The following ARB2A variants were observed in gnomAD, a reference collection of about 807,000 sequenced individuals.
The protein encoded by ARB2A is cotranscriptional regulator ARB2A.
At chr5:93,737,800 T>C in the ARB2A span, 2 of 356,342 alleles carry the variant, frequency 5.6e-6, no homozygotes, top group Non-Finnish European at 1.1e-5. Flanking sequence ...AAGAATGAAG[T>C]TGGGCACTTA....
chr5:93,840,499 C>A, the ARB2A span, among the ~76,000 whole-genome samples: 1 of 152,052 alleles, frequency 6.6e-6, no homozygotes, highest in African/African-American at 2.4e-5. Flanking sequence ...ACTCCACCCA[C>A]CTGTTTTTCT....
chr5:93,862,866 T>C, the ARB2A span: 54 of 152,328 alleles, frequency 3.5e-4, no homozygotes, highest in African/African-American at 1.2e-3. Context: ...GAAAGAAATA[T>C]TTCCTTCCAA....
the ARB2A span, among the ~76,000 whole-genome samples, chr5:93,655,130 A>C: frequency 6.6e-6 from 1 of 152,208 alleles, no homozygotes; most frequent in African/African-American, 2.4e-5. Flanking sequence ...ACTGTTCTTG[A>C]GGACTCTATG....
At chr5:93,697,187 T>A in the ARB2A span, among the ~76,000 whole-genome samples, 2 of 150,936 alleles carry the variant, frequency 1.3e-5, no homozygotes, top group Admixed American at 6.6e-5. Flanking sequence ...TTCCCATCTG[T>A]TCTCTTCTCA....
At chr5:93,779,701 A>G in the ARB2A span, among the ~76,000 whole-genome samples, 2 of 152,292 alleles carry the variant, frequency 1.3e-5, no homozygotes, top group African/African-American at 4.8e-5. Flanking sequence ...CGCATGACTA[A>G]TGTTTCTCTG....
chr5:93,681,606 A>G, the ARB2A span, among the ~76,000 whole-genome samples: 4 of 152,172 alleles, frequency 2.6e-5, no homozygotes, highest in African/African-American at 7.2e-5. Context: ...GCAAACTCTA[A>G]GCTACCTGAA....
At chr5:93,703,453 G>T in the ARB2A span, among the ~76,000 whole-genome samples, 6 of 152,186 alleles carry the variant, frequency 3.9e-5, no homozygotes, top group Admixed American at 6.5e-5. Context: ...CACAAAGCAG[G>T]GATGCAAACA....
chr5:94,074,863 T>C, the ARB2A span: 1 of 737,232 alleles, frequency 1.4e-6, no homozygotes, highest in Non-Finnish European at 2.2e-6. Flanking sequence ...TTAATCTCTC[T>C]ATGCTAATTT....
At chr5:94,101,124 C>G in the ARB2A span, among the ~76,000 whole-genome samples, 2 of 151,938 alleles carry the variant, frequency 1.3e-5, no homozygotes, top group Admixed American at 6.6e-5. Context: ...AACAAACAAC[C>G]CTATTAAAAA....
chr5:93,853,073 T>C, the ARB2A span, among the ~76,000 whole-genome samples: 2 of 152,242 alleles, frequency 1.3e-5, no homozygotes, highest in Non-Finnish European at 2.9e-5. Context: ...ATGATATTGA[T>C]TCTTCCTACC....
the ARB2A span, among the ~76,000 whole-genome samples, chr5:94,053,696 T>C: frequency 1.9e-4 from 29 of 152,320 alleles, no homozygotes; most frequent in Non-Finnish European, 2.8e-4. Context: ...GCAAAAATTA[T>C]TTCACATAGT....
the ARB2A span, chr5:93,784,220 T>G: frequency 7.0e-6 from 4 of 569,912 alleles, no homozygotes; most frequent in Admixed American, 3.2e-5. Flanking sequence ...TTCACATGGG[T>G]TTTCTATTAT....
the ARB2A span, among the ~76,000 whole-genome samples, chr5:93,968,514 G>A: frequency 6.6e-6 from 1 of 152,014 alleles, no homozygotes; most frequent in Admixed American, 6.6e-5. Context: ...TGCTCAAAAT[G>A]TAAATGCAAA....
At chr5:93,816,803 G>T in the ARB2A span, among the ~76,000 whole-genome samples, 1 of 151,998 alleles carries the variant, frequency 6.6e-6, no homozygotes, top group African/African-American at 2.4e-5. Context: ...GTTCTTAAGG[G>T]AAATAACCTA....
At chr5:94,022,576 C>G in the ARB2A span, among the ~76,000 whole-genome samples, 1 of 152,120 alleles carries the variant, frequency 6.6e-6, no homozygotes, top group African/African-American at 2.4e-5. Context: ...ATACTCAAAA[C>G]ACAATAAAAG....
the ARB2A span, among the ~76,000 whole-genome samples, chr5:93,650,772 T>C: frequency 1.3e-5 from 2 of 151,742 alleles, no homozygotes; most frequent in Admixed American, 6.6e-5. Flanking sequence ...GAGGATTCCT[T>C]GAGCTCAGGA....
the ARB2A span, among the ~76,000 whole-genome samples, chr5:93,670,983 A>G: frequency 6.6e-6 from 1 of 152,224 alleles, no homozygotes; most frequent in East Asian, 1.9e-4. Flanking sequence ...CTGTCTCCTC[A>G]CAGGAGCATC....
At chr5:93,800,413 A>ACACG in the ARB2A span, among the ~76,000 whole-genome samples, 1 of 151,502 alleles carries the variant, frequency 6.6e-6, no homozygotes, top group Non-Finnish European at 1.5e-5. Context: ...ACACACACAC[A>ACACG]CACACACACA....
the ARB2A span, among the ~76,000 whole-genome samples, chr5:93,806,957 T>A: frequency 3.9e-5 from 6 of 152,006 alleles, no homozygotes; most frequent in African/African-American, 1.4e-4. Flanking sequence ...TGAATTATGG[T>A]AGCAGAATTT....
Sources: gnomAD v4.1 joint callset for allele counts (sites outside exome capture counted in the v4.1 genomes callset) on GRCh38, gnomAD v4.1.1 for gene constraint, MANE v1.5 for transcripts, NCBI Gene and HGNC (gene_info 2026-07-23, HGNC 2026-07-21) for gene names.